The following SOX13 variants were observed in gnomAD, a reference collection of about 807,000 sequenced individuals.
SOX13 encodes SRY-box transcription factor 13.
A neutral mutation model predicts 71.8 loss-of-function variants in SOX13; 28 were observed. The ratio of observed to expected loss-of-function variants is 0.39; its 90% confidence interval spans 0.29 to 0.53. The LOEUF is 0.53. Among genes scored for constraint, SOX13 ranks in the 20% least tolerant of loss-of-function variants. The probability of loss-of-function intolerance (pLI) is 0.70; values close to 1 mark genes in which losing one functional copy is unlikely to be tolerated. For missense variants in SOX13, 627 were observed against 810.3 expected (o/e 0.77, Z 2.75); for synonymous variants, 309 against 317.8 (o/e 0.97, Z 0.29).
intron 1 of SOX13, among the ~76,000 whole-genome samples, chr1:204,106,982 A>G (rs1164793995): frequency 6.6e-6 from 1 of 152,128 alleles, no homozygotes; most frequent in African/African-American, 2.4e-5. Context: ...TGAGGAGGAA[A>G]TGGGCTCAGA....
At chr1:204,080,492 G>A (rs1440135732) in intron 1 of SOX13, among the ~76,000 whole-genome samples, 1 of 152,090 alleles carries the variant, frequency 6.6e-6, no homozygotes, top group African/African-American at 2.4e-5. Flanking sequence ...GAGCTCCCTG[G>A]GGGATCCGCC....
At position 204,126,161 on chromosome 1, in the gene SOX13, C is replaced by T; in HGVS notation, c.*27C>T. 1 of 1,606,496 alleles carries T rather than the reference C, an allele frequency of 6.2e-7. No individual in the cohort carries two copies. The highest frequency in any genetic ancestry group is 8.5e-7 in the Non-Finnish European group (1 of 1,174,752). On this transcript the variant is annotated 3_prime_UTR_variant, in exon 14 of 14. Transcript: ENST00000367204. ...CCCGGCTGGGTGGGCCTGGCCCCTT[C>T]TCCTCTGGGGAAGACCTTGTCCCAA...
chr1:204,123,809 G>C lies in SOX13; in HGVS notation c.1375+5G>C. On this transcript the variant is annotated splice_donor_5th_base_variant and intron_variant, in intron 12 of 13. Transcript: ENST00000367204. The surrounding 1 kb of genome is among the most constrained non-coding windows in gnomAD (Gnocchi z 5.0). ...CCAGCATCAGCAAGATCCTTGGTAAGGGCCAGTGGCTGGGGCCATGGTTCA... is the reference window on the plus strand; with the variant it reads ...CCAGCATCAGCAAGATCCTTGGTAACGGCCAGTGGCTGGGGCCATGGTTCA... 6.2e-7 allele frequency: 1 copy of C among 1,614,092 alleles called. No homozygotes were observed. The highest frequency in any genetic ancestry group is 8.5e-7 in the Non-Finnish European group (1 of 1,179,956).
Position 204,127,590 on chromosome 1 carries a change from G to T in SOX13, c.*1456G>T, listed in dbSNP as rs1480704470. Reference sequence around the variant, plus strand: ...CCTCAAAGCCCCCACTTCTCTCCAGGCTGTTTCTTTTTTTATGACTGTAAA... The same window carrying T: ...CCTCAAAGCCCCCACTTCTCTCCAGTCTGTTTCTTTTTTTATGACTGTAAA... On this transcript the variant is annotated 3_prime_UTR_variant, in exon 14 of 14. Coordinates refer to ENST00000367204, the MANE Select transcript of SOX13 (RefSeq NM_005686.3). The T allele has an allele frequency of 6.6e-6, 1 of 152,566 alleles. No individual in the cohort carries two copies. Among genetic ancestry groups the T allele is most frequent in the Non-Finnish European group, 1.5e-5 (1 of 68,044 alleles). 9.5% of individuals were successfully genotyped at this position (152,566 alleles called of 1,614,324 possible). A position where few individuals can be genotyped will look rare whatever the true frequency, so the allele number is the denominator to read the frequency against.
chr1:204,113,044 C>T lies in SOX13; in HGVS notation c.129C>T (p.Ala43=), dbSNP rs371002535. ...CHEAPQGSAT[A]AEPQPGDPAR... ...AGGCCCCCCAGGGCTCAGCCACTGCCGCTGAACCTCAGCCTGGAGACCCAG... is the reference window on the plus strand; with the variant it reads ...AGGCCCCCCAGGGCTCAGCCACTGCTGCTGAACCTCAGCCTGGAGACCCAG... The change falls in exon 2 of 14, where the codon GCC becomes GCT. Residue 43 remains alanine (A), a synonymous_variant. Transcript: ENST00000367204. 225 of 1,610,776 alleles carry T rather than the reference C, an allele frequency of 1.4e-4. 1 individual carries two copies. The African/African-American group carries it at 2.3e-3, about 17-fold the overall frequency.
Position 204,123,106 on chromosome 1 carries a change from A to C in SOX13, c.1135-6A>C, listed in dbSNP as rs755719178. 6.2e-7 allele frequency: 1 copy of C among 1,613,090 alleles called. No individual in the cohort carries two copies. Among genetic ancestry groups the C allele is most frequent in the South Asian group, 1.1e-5 (1 of 91,044 alleles). ...GGCTGATGTCAGGTTGCCCCTGTCA[A>C]CCTAGGACCTCATCAGCCTGGACTC... On this transcript the variant is annotated splice_polypyrimidine_tract_variant and splice_region_variant and intron_variant, in intron 10 of 13. Transcript: ENST00000367204. The surrounding 1 kb of genome is among the most constrained non-coding windows in gnomAD (Gnocchi z 5.0).
At chr1:204,083,015 T>A (rs1655939967) in intron 1 of SOX13, among the ~76,000 whole-genome samples, 2 of 152,240 alleles carry the variant, frequency 1.3e-5, no homozygotes, top group African/African-American at 4.8e-5. Flanking sequence ...ATTCCCCTTC[T>A]CTTCTACTGG....
intron 1 of SOX13, among the ~76,000 whole-genome samples, chr1:204,104,601 C>T (rs1386769528): frequency 6.6e-6 from 1 of 152,222 alleles, no homozygotes; most frequent in Non-Finnish European, 1.5e-5. Flanking sequence ...CCTGCCCCAC[C>T]CCTGCTGCAT....
chr1:204,102,505 T>C (rs527263755), intron 1 of SOX13, among the ~76,000 whole-genome samples: 1 of 152,038 alleles, frequency 6.6e-6, no homozygotes, highest in Admixed American at 6.6e-5. Context: ...ATTTGTAGCC[T>C]TTCCGCCTGT....
Position 204,085,102 on chromosome 1 carries a change from A to G in SOX13, c.-2+11391A>G, listed in dbSNP as rs536972268. Among the ~76,000 whole-genome samples, 3 of 152,156 alleles carry G rather than the reference A, an allele frequency of 2.0e-5. 1 individual carries two copies. In the South Asian group the frequency reaches 6.2e-4, roughly 32 times the overall value. ...GGCAGGAGGTGGCCAGGGTGTGGCA[A>G]CCCTCCTTCCTCCTTACCTATTTCT... is the stretch of plus-strand genomic sequence containing the variant. On this transcript the variant is annotated intron_variant, in intron 1 of 13. Transcript: ENST00000367204.
At chr1:204,103,464 C>A (rs977763013) in intron 1 of SOX13, among the ~76,000 whole-genome samples, 4 of 152,218 alleles carry the variant, frequency 2.6e-5, no homozygotes, top group African/African-American at 4.8e-5. Context: ...AGCCCCCGAG[C>A]CTTAGTCTTT....
chr1:204,110,448 G>A (rs897699076), intron 1 of SOX13, among the ~76,000 whole-genome samples: 1 of 151,748 alleles, frequency 6.6e-6, no homozygotes, highest in Non-Finnish European at 1.5e-5. Flanking sequence ...TTACAGGCAT[G>A]AGCCCCTGTG....
chr1:204,082,194 ATGTG>A (rs1558209634), intron 1 of SOX13, among the ~76,000 whole-genome samples: 2 of 149,622 alleles, frequency 1.3e-5, no homozygotes, highest in Non-Finnish European at 1.5e-5. Context: ...GCTGAGCGTG[ATGTG>A]TGTATCTATG....
chr1:204,086,683 T>A (rs573925251), intron 1 of SOX13, among the ~76,000 whole-genome samples: 1 of 152,164 alleles, frequency 6.6e-6, no homozygotes, highest in East Asian at 1.9e-4. Flanking sequence ...AGTTTCTGGG[T>A]TTTGACTCTA....
Position 204,075,374 on chromosome 1 carries a change from G to A in SOX13, c.-2+1663G>A, listed in dbSNP as rs148456691. On this transcript the variant is annotated intron_variant, in intron 1 of 13. Transcript: ENST00000367204. Reference sequence around the variant, plus strand: ...CTGACTCCGTAATCTGCGCCTCGGCGCAGTTGCGAGTCAGGGCCTGAGGCT... The same window carrying A: ...CTGACTCCGTAATCTGCGCCTCGGCACAGTTGCGAGTCAGGGCCTGAGGCT... Among the ~76,000 whole-genome samples the A allele has an allele frequency of 5.9e-3, 899 of 152,370 alleles. 9 individuals carry two copies. The highest frequency in any genetic ancestry group is 0.019 in the African/African-American group (789 of 41,586).
In SOX13 at chr1:204,112,042, T is replaced by C. The variant is rs535723471; in HGVS notation, c.-1-873T>C. 3.9e-5 allele frequency among the ~76,000 whole-genome samples: 6 copies of C among 152,340 alleles called. No homozygotes were observed. The South Asian group carries it at 1.2e-3, about 32-fold the overall frequency. On this transcript the variant is annotated intron_variant, in intron 1 of 13. Transcript: ENST00000367204. ...CCTGTCCATAAGAAATACCCATTAC[T>C]CAATTCCAGCCAATTTTTACCACAA...
At chr1:204,101,749 G>C (rs962646022) in intron 1 of SOX13, among the ~76,000 whole-genome samples, 1 of 152,116 alleles carries the variant, frequency 6.6e-6, no homozygotes, top group East Asian at 1.9e-4. Context: ...GGTGTAAAGA[G>C]GTTAAGTCTC....
chr1:204,087,916 C>T (rs919393718), intron 1 of SOX13, among the ~76,000 whole-genome samples: 1 of 152,220 alleles, frequency 6.6e-6, no homozygotes, highest in African/African-American at 2.4e-5. Context: ...GGTAGTGGGG[C>T]TTCCAGAGTC....
At chr1:204,091,198 G>A (rs1384682745) in intron 1 of SOX13, among the ~76,000 whole-genome samples, 1 of 152,144 alleles carries the variant, frequency 6.6e-6, no homozygotes, top group Non-Finnish European at 1.5e-5. Flanking sequence ...TCCCTGCCAG[G>A]GCTAGTGGGT....
Sources: gnomAD v4.1 joint callset for allele counts (sites outside exome capture counted in the v4.1 genomes callset) on GRCh38, gnomAD v4.1.1 for gene constraint, Gnocchi (gnomAD v3.1) non-coding constraint, MANE v1.5 for transcripts, NCBI Gene and HGNC (gene_info 2026-07-23, HGNC 2026-07-21) for gene names.